Variants in HDAC9 observed in about 807,000 individuals in gnomAD.
HDAC9 encodes MEF-2 interacting transcription repressor (MITR) protein.
HDAC9 carries 41 observed loss-of-function variants against 139.4 expected under a neutral mutation model. The ratio of observed to expected loss-of-function variants is 0.29; its 90% CI spans 0.23 to 0.38. The LOEUF (loss-of-function observed/expected upper bound fraction) is 0.38, where lower values mean the gene tolerates loss of function less well. HDAC9 is among the 10% of genes least tolerant of loss of function. The probability of loss-of-function intolerance (pLI) is 1.00; values close to 1 mark genes in which losing one functional copy is unlikely to be tolerated. For missense variants in HDAC9, 1,147 were observed against 1,297.0 expected, an observed-to-expected ratio of 0.88 and a Z score of 1.78; for synonymous variants, 517 against 476.2, an observed-to-expected ratio of 1.09 and a Z score of -1.12.
At chr7:18,244,706 G>A (rs1313665960) in intron 2 of HDAC9, among the ~76,000 whole-genome samples, 2 of 152,092 alleles carry the variant, frequency 1.3e-5, no homozygotes, top group Non-Finnish European at 2.9e-5. Flanking sequence ...CCTGAGGCGG[G>A]AGAATGGCGT....
At chr7:18,447,639 GT>G (rs1792419164) in intron 1 of HDAC9, among the ~76,000 whole-genome samples, 1 of 152,134 alleles carries the variant, frequency 6.6e-6, no homozygotes, top group African/African-American at 2.4e-5. Context: ...TAAAACATCT[GT>G]ATTCAGAGTT....
At chr7:18,357,288 A>G (rs921153746) in intron 1 of HDAC9, among the ~76,000 whole-genome samples, 3 of 152,182 alleles carry the variant, frequency 2.0e-5, no homozygotes, top group Non-Finnish European at 4.4e-5. Flanking sequence ...AGAAACAATG[A>G]GAAATGCCTG....
chr7:18,985,607 A>C (rs1785283559), intron 25 of HDAC9, among the ~76,000 whole-genome samples: 1 of 148,814 alleles, frequency 6.7e-6, no homozygotes, highest in South Asian at 2.2e-4. Context: ...GCTGGGTCAA[A>C]TGGTATTTCT....
At chr7:18,937,263 C>T (rs551408105) in intron 23 of HDAC9, among the ~76,000 whole-genome samples, 1 of 152,128 alleles carries the variant, frequency 6.6e-6, no homozygotes, top group Non-Finnish European at 1.5e-5. Flanking sequence ...TGGTCTCGAA[C>T]TCCTGACCTC....
chr7:18,482,844 C>T (rs1795682988), intron 1 of HDAC9, among the ~76,000 whole-genome samples: 1 of 152,134 alleles, frequency 6.6e-6, no homozygotes, highest in South Asian at 2.1e-4. Context: ...TGTGTGAACA[C>T]TGAAGGCCCT....
At chr7:18,859,748 T>C (rs1232816401) in intron 21 of HDAC9, among the ~76,000 whole-genome samples, 2 of 146,672 alleles carry the variant, frequency 1.4e-5, no homozygotes, top group East Asian at 4.0e-4. Context: ...TTTTTCCTTA[T>C]TTTTATGCCT....
intron 2 of HDAC9, among the ~76,000 whole-genome samples, chr7:18,166,809 A>T (rs1267408682): frequency 6.6e-6 from 1 of 152,222 alleles, no homozygotes; most frequent in Non-Finnish European, 1.5e-5. Flanking sequence ...GTAGGAAACT[A>T]AAACCAGGAC....
intron 21 of HDAC9, among the ~76,000 whole-genome samples, chr7:18,839,980 C>G (rs1259880762): frequency 1.3e-5 from 2 of 152,128 alleles, no homozygotes; most frequent in Non-Finnish European, 1.5e-5. Context: ...AAAATATCTT[C>G]AAATGTTTAA....
intron 25 of HDAC9, among the ~76,000 whole-genome samples, chr7:18,991,201 T>C (rs953645100): frequency 6.6e-6 from 1 of 152,188 alleles, no homozygotes; most frequent in Non-Finnish European, 1.5e-5. Context: ...GTCTAGTATG[T>C]ATACAAAATG....
chr7:18,885,978 C>G (rs187841500), intron 22 of HDAC9, among the ~76,000 whole-genome samples: 2 of 152,174 alleles, frequency 1.3e-5, no homozygotes, highest in Non-Finnish European at 2.9e-5. Context: ...AGGGAATATG[C>G]AAGACATTTA....
chr7:18,932,290 G>A (rs2129306465), intron 22 of HDAC9, among the ~76,000 whole-genome samples: 1 of 152,250 alleles, frequency 6.6e-6, no homozygotes, highest in Non-Finnish European at 1.5e-5. Flanking sequence ...AATTGCCCCT[G>A]AAATTGGACA....
At chr7:18,158,463 C>G (rs942946485) in intron 1 of HDAC9, among the ~76,000 whole-genome samples, 2 of 152,160 alleles carry the variant, frequency 1.3e-5, no homozygotes, top group Non-Finnish European at 2.9e-5. Flanking sequence ...GATGTTCATA[C>G]AGCTCTGCTC....
intron 14 of HDAC9, among the ~76,000 whole-genome samples, chr7:18,749,722 A>C (rs1217743256): frequency 6.6e-6 from 1 of 152,190 alleles, no homozygotes; most frequent in African/African-American, 2.4e-5. Context: ...ATGCTTTCAA[A>C]GGTTAAAAAC....
At chr7:18,349,722 G>T (rs1393414614) in intron 1 of HDAC9, among the ~76,000 whole-genome samples, 1 of 151,718 alleles carries the variant, frequency 6.6e-6, no homozygotes, top group Non-Finnish European at 1.5e-5. Flanking sequence ...AAAAAATGTG[G>T]TGTTGTGTTT....
intron 2 of HDAC9, among the ~76,000 whole-genome samples, chr7:18,540,122 AAAT>A (rs1174300546): frequency 9.3e-5 from 14 of 150,366 alleles, no homozygotes; most frequent in African/African-American, 3.4e-4. Context: ...AAAAAAAAAA[AAAT>A]AGCCAGGAAT....
At chr7:18,237,720 C>T (rs1391520381) in intron 2 of HDAC9, among the ~76,000 whole-genome samples, 3 of 152,282 alleles carry the variant, frequency 2.0e-5, no homozygotes, top group African/African-American at 7.2e-5. Context: ...TAAATTTAGA[C>T]AATTGCAATG....
At chr7:18,965,672 A>T (rs1323987327) in intron 24 of HDAC9, among the ~76,000 whole-genome samples, 1 of 152,246 alleles carries the variant, frequency 6.6e-6, no homozygotes, top group African/African-American at 2.4e-5. Flanking sequence ...CACATAGCTC[A>T]GAGTTATTTC....
chr7:18,441,422 A>C lies in HDAC9; in HGVS notation c.-41-54840A>C, dbSNP rs540657111. Among the ~76,000 whole-genome samples the C allele has an allele frequency of 2.0e-3, 299 of 152,336 alleles. 2 individuals carry two copies. The highest frequency in any genetic ancestry group is 5.9e-3 in the African/African-American group (244 of 41,576). ...GACAATGAAAAATGTTAAATGTTTA[A>C]ATAAATATATTTAGAAGTATTAGGT... is the stretch of plus-strand genomic sequence containing the variant. On this transcript the variant is annotated intron_variant, in intron 1 of 3. Transcript: ENST00000413509.
intron 1 of HDAC9, among the ~76,000 whole-genome samples, chr7:18,474,316 TATC>T (rs1326293080): frequency 6.6e-6 from 1 of 152,182 alleles, no homozygotes; most frequent in Non-Finnish European, 1.5e-5. Flanking sequence ...TTTAACAAAA[TATC>T]AGCAGCATCC....
Sources: allele counts gnomAD v4.1 joint callset (sites outside exome capture counted in the v4.1 genomes callset), GRCh38; gene constraint gnomAD v4.1.1; transcripts MANE v1.5; gene names NCBI Gene and HGNC (gene_info 2026-07-23, HGNC 2026-07-21).